Variants in DNAJB4 observed in about 807,000 individuals in gnomAD.
DNAJB4 encodes the protein DnaJ heat shock protein family (Hsp40) member B4.
A neutral mutation model predicts 26.6 loss-of-function variants in DNAJB4; 10 were observed. That is an observed-to-expected ratio of 0.38 (90% CI 0.23 to 0.64). The LOEUF is 0.64. Ranked by LOEUF, DNAJB4 falls within the 30% of genes least tolerant of loss-of-function variation. DNAJB4 has a pLI of 0.58. For synonymous variants in DNAJB4, 136 were observed against 134.8 expected, an observed-to-expected ratio of 1.01 and a Z score of -0.06; for missense variants, 328 against 408.2, an observed-to-expected ratio of 0.80 and a Z score of 1.69.
Position 78,013,323 on chromosome 1 carries a change from C to T in DNAJB4, c.484C>T (p.His162Tyr). The T allele has an allele frequency of 6.2e-7, 1 of 1,614,050 alleles. No individual in the cohort carries two copies. The highest frequency in any genetic ancestry group is 1.1e-5 in the South Asian group (1 of 91,054). The change falls in exon 2 of 3, where the codon CAT becomes TAT. Residue 162 changes from histidine (H) to tyrosine (Y), a missense_variant. By Grantham distance (83) the His-to-Tyr change is moderately conservative. Coordinates refer to ENST00000370763, the MANE Select transcript of DNAJB4 (RefSeq NM_007034.5). ...SRLKQDPPVI[H>Y]ELRVSLEEIY... ...CCTCAAACAAGATCCTCCAGTTATT[C>T]ATGAACTTAGAGTATCACTTGAAGA...
intron 1 of DNAJB4, among the ~76,000 whole-genome samples, chr1:77,998,259 CT>C: frequency 6.6e-6 from 1 of 152,268 alleles, no homozygotes; most frequent in Middle Eastern, 3.4e-3. Context: ...GATTGAAATA[CT>C]TTATTTGTGG....
At chr1:78,014,104 T>G (rs1164612137) in intron 2 of DNAJB4, among the ~76,000 whole-genome samples, 3 of 151,994 alleles carry the variant, frequency 2.0e-5, no homozygotes, top group Non-Finnish European at 4.4e-5. Context: ...CAATTATTAT[T>G]TGAGTTCTTA....
At chr1:78,012,154 CTTTTCT>C (rs1432675128) in intron 1 of DNAJB4, among the ~76,000 whole-genome samples, 18 of 69,350 alleles carry the variant, frequency 2.6e-4, no homozygotes, top group East Asian at 1.5e-3. Context: ...TTTTTCTTTT[CTTTTCT>C]TTTTTTTTTT....
chr1:77,995,520 A>G (rs1660039664), intron 1 of DNAJB4, among the ~76,000 whole-genome samples: 1 of 152,184 alleles, frequency 6.6e-6, no homozygotes, highest in Non-Finnish European at 1.5e-5. Flanking sequence ...TGTCGTGATC[A>G]TGGCTTATTG....
intron 1 of DNAJB4, among the ~76,000 whole-genome samples, chr1:78,008,684 T>G (rs1272094099): frequency 6.6e-6 from 1 of 152,180 alleles, no homozygotes; most frequent in Non-Finnish European, 1.5e-5. Context: ...GCTCTATCAA[T>G]TTACTATAAT....
At chr1:78,004,632 A>C (rs1249888553), upstream of DNAJB4, 3 of 154,244 alleles carry the variant, frequency 1.9e-5, no homozygotes, top group Non-Finnish European at 4.3e-5. Flanking sequence ...GACTGTGATG[A>C]TTTTCACCTA....
chr1:77,985,407 T>C (rs893641330), intron 1 of DNAJB4, among the ~76,000 whole-genome samples: 1 of 152,174 alleles, frequency 6.6e-6, no homozygotes, highest in African/African-American at 2.4e-5. Context: ...TTAAAAAAAA[T>C]TTGAAGGGAC....
upstream of DNAJB4, among the ~76,000 whole-genome samples, chr1:78,002,179 T>C (rs1289327377): frequency 6.6e-6 from 1 of 152,200 alleles, no homozygotes; most frequent in East Asian, 1.9e-4. Flanking sequence ...TAAGCTTTGA[T>C]CTCAGCTCTT....
In DNAJB4 at chr1:78,016,120, A is replaced by G. The variant is rs1468020651; in HGVS notation, c.887A>G (p.Tyr296Cys). The G allele has an allele frequency of 1.2e-6, 2 of 1,614,124 alleles. No homozygotes were observed. Among genetic ancestry groups the G allele is most frequent in the South Asian group, 2.2e-5 (2 of 91,086 alleles). Reference protein sequence around the residue: ...KPGMRRRIIGYGLPFPKNPDQ... With the variant: ...KPGMRRRIIGCGLPFPKNPDQ... ...GGAATGAGGAGAAGAATTATTGGAT[A>G]TGGGCTGCCATTTCCAAAAAATCCT... The change falls in exon 3 of 3, where the codon TAT becomes TGT. Residue 296 changes from tyrosine (Y) to cysteine (C), a missense_variant. By Grantham distance (194) the Tyr-to-Cys change is radical. Coordinates refer to ENST00000370763, the MANE Select transcript of DNAJB4 (RefSeq NM_007034.5).
chr1:77,991,005 T>C (rs1659919284), intron 1 of DNAJB4, among the ~76,000 whole-genome samples: 1 of 152,138 alleles, frequency 6.6e-6, no homozygotes, highest in Non-Finnish European at 1.5e-5. Context: ...TGATGTGTAA[T>C]ACAGTGGAGA....
rs777392863 is a variant in DNAJB4, at chr1:78,013,570, A to G, written c.731A>G (p.Lys244Arg). 1.2e-6 allele frequency: 2 copies of G among 1,609,162 alleles called. No homozygotes were observed. Among genetic ancestry groups the G allele is most frequent in the South Asian group, 2.2e-5 (2 of 90,268 alleles). Residue 244 changes from lysine (K) to arginine (R), a missense_variant, in exon 2 of 3, where the codon AAA becomes AGA. By Grantham distance (26) the Lys-to-Arg change is conservative. Transcript: ENST00000370763. ...IIKDKDHPKF[K>R]RDGSNIIYTA... is the part of the protein sequence containing the mutation. ...AAAGACAAAGATCATCCAAAATTTA[A>G]AAGGGATGGATCAAATATAATTTAT...
At chr1:77,985,776 G>T (rs1202906085) in intron 1 of DNAJB4, among the ~76,000 whole-genome samples, 1 of 151,918 alleles carries the variant, frequency 6.6e-6, no homozygotes, top group East Asian at 1.9e-4. Flanking sequence ...CATCTAGTAG[G>T]TCCTAATTAA....
chr1:78,002,563 G>A (rs911540290), upstream of DNAJB4, among the ~76,000 whole-genome samples: 2 of 151,998 alleles, frequency 1.3e-5, no homozygotes, highest in African/African-American at 4.8e-5. Flanking sequence ...TCCAGGTGTG[G>A]TATTTATAGA....
upstream of DNAJB4, chr1:77,980,132 C>T (rs1659501067): frequency 6.6e-6 from 1 of 152,410 alleles, no homozygotes; most frequent in South Asian, 2.1e-4. Flanking sequence ...ATCCACCCGC[C>T]TCGGCCTCCC....
intron 1 of DNAJB4, among the ~76,000 whole-genome samples, chr1:77,994,894 A>T (rs1233457936): frequency 2.0e-5 from 3 of 152,136 alleles, no homozygotes; most frequent in Non-Finnish European, 4.4e-5. Context: ...ACCTGTTAAG[A>T]CTTTATTTAC....
rs1324763074 is a variant in DNAJB4, at chr1:78,012,154, C to CTTTTTTTTTTTTT, written c.212-893_212-892insTTTTTTTTTTTTT. Among the ~76,000 whole-genome samples, 103 of 69,342 alleles carry CTTTTTTTTTTTTT rather than the reference C, an allele frequency of 1.5e-3. 6 individuals are homozygous for CTTTTTTTTTTTTT. Among genetic ancestry groups the CTTTTTTTTTTTTT allele is most frequent in the East Asian group, 2.5e-3 (5 of 2,018 alleles). The allele number at this position is 69,342 out of a possible 152,430, so 45.5% of individuals were successfully genotyped here. On this transcript the variant is annotated intron_variant, in intron 1 of 2. Transcript: ENST00000370763. ...CCCAGTTTTATTTTCTTTTTCTTTT[C>CTTTTTTTTTTTTT]TTTTCTTTTTTTTTTTTTTTTTTTT...
At chr1:77,996,903 C>T (rs1016238269) in intron 1 of DNAJB4, among the ~76,000 whole-genome samples, 1 of 152,224 alleles carries the variant, frequency 6.6e-6, no homozygotes, top group African/African-American at 2.4e-5. Context: ...ACTGCGATCA[C>T]GGCTCACTGC....
intron 1 of DNAJB4, among the ~76,000 whole-genome samples, chr1:77,983,102 A>G (rs1476733184): frequency 2.0e-5 from 3 of 152,206 alleles, no homozygotes; most frequent in Non-Finnish European, 2.9e-5. Flanking sequence ...TCACAAGACA[A>G]TTGTGGGGAG....
intron 1 of DNAJB4, among the ~76,000 whole-genome samples, chr1:77,989,726 C>G (rs1272488583): frequency 2.0e-5 from 3 of 152,160 alleles, no homozygotes; most frequent in Admixed American, 2.0e-4. Context: ...AGGATGCCTT[C>G]AGCTCCAAGT....
Sources: gnomAD v4.1 joint callset for allele counts (sites outside exome capture counted in the v4.1 genomes callset) on GRCh38, gnomAD v4.1.1 for gene constraint, MANE v1.5 for transcripts, NCBI Gene and HGNC (gene_info 2026-07-23, HGNC 2026-07-21) for gene names.